The following DOCK8 variants were observed in gnomAD, a reference collection of about 807,000 sequenced individuals.
DOCK8 encodes dedicator of cytokinesis protein 8.
In DOCK8, 141 loss-of-function variants were observed where a neutral mutation model predicts 245.6. That is an observed-to-expected ratio of 0.57 (90% CI 0.50 to 0.66). DOCK8 has a LOEUF of 0.66. Ranked by LOEUF, DOCK8 falls within the 30% of genes least tolerant of loss-of-function variation. The pLI is 0.00. For synonymous variants in DOCK8, 1,168 were observed against 970.2 expected (o/e 1.20, Z -3.79); for missense variants, 2,965 against 2,603.4 (o/e 1.14, Z -3.02).
intron 46 of DOCK8, chr9:452,842 A>G (rs1309648022): frequency 6.6e-6 from 1 of 152,242 alleles, no homozygotes; most frequent in Non-Finnish European, 1.5e-5. Context: ...GTCAGTTAGG[A>G]ACTGGGTCTT....
intron 22 of DOCK8, 144 bp from the exon 23 acceptor site, chr9:386,187 T>C (rs2053942865): frequency 1.4e-6 from 1 of 691,944 alleles, no homozygotes; most frequent in Non-Finnish European, 2.6e-6. Context: ...CTTTGTTTTA[T>C]ATTTACTTAT....
rs2057932075 is a variant in DOCK8 at position 465,181 on chromosome 9, G to A, written c.*962G>A. The A allele has an allele frequency of 6.6e-6, 1 of 152,622 alleles. No homozygotes were observed. The highest frequency in any genetic ancestry group is 2.4e-5 in the African/African-American group (1 of 41,442). 9.5% of individuals were successfully genotyped at this position (152,622 alleles called of 1,614,324 possible). A position where few individuals can be genotyped will look rare whatever the true frequency, so the allele number is the denominator to read the frequency against. The stretch of plus-strand genomic sequence containing the variant: ...AAAGAGGAACAAAGACATTATTTGA[G>A]AATTAAATTATATATTTTTAATATG... On this transcript the variant is annotated 3_prime_UTR_variant, in exon 48 of 48. Transcript: ENST00000432829.
chr9:362,502 C>T (rs1480250905), intron 14 of DOCK8, among the ~76,000 whole-genome samples: 2 of 152,196 alleles, frequency 1.3e-5, no homozygotes, highest in Non-Finnish European at 2.9e-5. Flanking sequence ...TAAATCCCTC[C>T]CTGTAGGTCA....
rs1196879732 is a variant in DOCK8 at position 286,448 on chromosome 9, C to T, written c.157-13C>T. 19 of 1,613,226 alleles carry T rather than the reference C, an allele frequency of 1.2e-5. No individual in the cohort carries two copies. The Middle Eastern group carries it at 5.1e-4, about 44-fold the overall frequency. ...GGGTGAGAACCTCCTTTTCCTTTTC[C>T]CTGCCCCTCCAGCCTCAGTTTTATG... On this transcript the variant is annotated splice_polypyrimidine_tract_variant and intron_variant, in intron 2 of 47. Coordinates refer to ENST00000432829, the MANE Select transcript of DOCK8 (RefSeq NM_203447.4).
intron 4 of DOCK8, among the ~76,000 whole-genome samples, chr9:299,173 T>TA (rs2049411493): frequency 6.6e-6 from 1 of 151,840 alleles, no homozygotes; most frequent in African/African-American, 2.4e-5. Flanking sequence ...ATCACACAGA[T>TA]TTTTTTTTCT....
Position 339,225 on chromosome 9 carries a change from G to A in DOCK8, c.1516+126G>A, listed in dbSNP as rs2051458086. 5 of 844,974 alleles carry A rather than the reference G, an allele frequency of 5.9e-6. No individual in the cohort carries two copies. The South Asian group carries it at 7.2e-5, about 12-fold the overall frequency. The allele number at this position is 844,974 out of a possible 1,614,324, so 52.3% of individuals were successfully genotyped here. ...AAGTGAAATGTGAGATTTTGTGTTA[G>A]GGGTTAAGAATCTGAATTGTTCTAT... is the stretch of plus-strand genomic sequence containing the variant. On this transcript the variant is annotated intron_variant, in intron 13 of 47. Transcript: ENST00000432829.
At chr9:316,977 G>A (rs1026737030) in intron 6 of DOCK8, 66 bp from the exon 7 acceptor site, 2 of 1,314,690 alleles carry the variant, frequency 1.5e-6, no homozygotes, top group Non-Finnish European at 1.1e-6. Flanking sequence ...CCTTCCCTGG[G>A]TTAACTCTAA....
intron 1 of DOCK8, among the ~76,000 whole-genome samples, chr9:261,231 C>G (rs1207486629): frequency 6.6e-6 from 1 of 151,980 alleles, no homozygotes; most frequent in Non-Finnish European, 1.5e-5. Flanking sequence ...CTTACATGCT[C>G]AAAATAAAAA....
chr9:388,187 G>A (rs1563995934), intron 23 of DOCK8, among the ~76,000 whole-genome samples: 1 of 152,192 alleles, frequency 6.6e-6, no homozygotes, highest in Non-Finnish European at 1.5e-5. Context: ...AGATCAAGGT[G>A]TAGTCCAGTT....
Position 396,947 on chromosome 9 carries a change from T to C in DOCK8, c.3120+13T>C. 1 of 1,612,956 alleles carries C rather than the reference T, an allele frequency of 6.2e-7. No individual in the cohort carries two copies. The highest frequency in any genetic ancestry group is 1.3e-5 in the African/African-American group (1 of 75,036). On this transcript the variant is annotated intron_variant, in intron 25 of 47. Coordinates refer to ENST00000432829, the MANE Select transcript of DOCK8 (RefSeq NM_203447.4). The stretch of plus-strand genomic sequence containing the variant: ...AAAACCACAGAAGGTAACTGTATTT[T>C]ACTCTTTATTTTCTAAATTGTTTAC...
At position 446,500 on chromosome 9, in the gene DOCK8, G is replaced by T; in HGVS notation, c.5711G>T (p.Arg1904Leu). 6.2e-7 allele frequency: 1 copy of T among 1,614,194 alleles called. No individual in the cohort carries two copies. Among genetic ancestry groups the T allele is most frequent in the Non-Finnish European group, 8.5e-7 (1 of 1,180,030 alleles). ...MYTTPFTLEG[R>L]PRGELHEQYR... ...ACCACCCCGTTCACCCTGGAGGGGC[G>T]GCCTCGGGGAGAGCTGCATGAGCAG... is the stretch of plus-strand genomic sequence containing the variant. Residue 1904 changes from arginine to leucine, a missense_variant, in exon 44 of 48, where the codon CGG becomes CTG. Physicochemically the swap from Arg to Leu is moderately radical, Grantham distance 102 (BLOSUM62 -2). This residue lies in a region of DOCK8 where 2,825 missense variants were observed against 2,453.5 expected (regional missense o/e 1.15). Transcript: ENST00000432829.
At chr9:316,954 G>A (rs929189041) in intron 6 of DOCK8, 89 bp from the exon 7 acceptor site, 36 of 1,016,462 alleles carry the variant, frequency 3.5e-5, no homozygotes, top group South Asian at 3.1e-4. Flanking sequence ...TTGAGCCGTG[G>A]AGGGTAGCCT....
chr9:244,867 G>C (rs1231949100), intron 1 of DOCK8, among the ~76,000 whole-genome samples: 3 of 152,154 alleles, frequency 2.0e-5, no homozygotes, highest in African/African-American at 4.8e-5. Context: ...AGATGGGCCA[G>C]TGTGTTTTGA....
chr9:339,168 C>A, intron 13 of DOCK8, 69 bp downstream of exon 13: 1 of 1,286,192 alleles, frequency 7.8e-7, no homozygotes, highest in South Asian at 1.2e-5. Context: ...CAGTCTTTGT[C>A]TAATGCCAGA....
intron 1 of DOCK8, among the ~76,000 whole-genome samples, chr9:238,501 T>C (rs532892194): frequency 6.6e-6 from 1 of 152,306 alleles, no homozygotes; most frequent in Non-Finnish European, 1.5e-5. Context: ...GGAGAAATGT[T>C]AAAACAACAG....
chr9:386,449 G>A (rs1035129758), intron 23 of DOCK8, 23 bp downstream of exon 23: 4 of 1,598,718 alleles, frequency 2.5e-6, no homozygotes, highest in Admixed American at 3.3e-5. Context: ...GCAATGTGAG[G>A]TTCATCCCAG....
intron 45 of DOCK8, 30 bp from the exon 46 acceptor site, chr9:451,973 ATATATTTT>A (rs1408311968): frequency 5.4e-5 from 20 of 369,944 alleles, no homozygotes; most frequent in Admixed American, 2.0e-4. Flanking sequence ...ATATATATAT[ATATATTTT>A]TTTTTTTTTT....
At position 214,923 on chromosome 9, in the gene DOCK8, G is replaced by GC. The variant is rs770246521; in HGVS notation, c.-49dup. On this transcript the variant is annotated 5_prime_UTR_variant, in exon 1 of 48. An upstream open reading frame in the 5' UTR loses its in-frame stop. Transcript: ENST00000432829. ...CCGCGGCTACTCTGCGGCGCGCCAG[G>GC]CCCCCGCTTTCCGCACCCCGCGACC... 1.2e-6 allele frequency: 2 copies of GC among 1,604,040 alleles called. No individual in the cohort carries two copies.
rs375665207 is a variant in DOCK8 at position 382,647 on chromosome 9, G to A, written c.2740G>A (p.Ala914Thr). 6.4e-5 allele frequency: 104 copies of A among 1,614,042 alleles called. No individual in the cohort carries two copies. Among genetic ancestry groups the A allele is most frequent in the African/African-American group, 3.5e-4 (26 of 74,920 alleles). Residue 914 changes from alanine (A) to threonine (T), a missense_variant, in exon 22 of 48, where the codon GCA becomes ACA. This residue lies in a region of DOCK8 where 2,825 missense variants were observed against 2,453.5 expected (regional missense o/e 1.15). Transcript: ENST00000432829. ...SNPDLAGTHSAADEEVKNIMS... is the reference protein window; with the variant it reads ...SNPDLAGTHSTADEEVKNIMS... Reference sequence around the variant, plus strand: ...CCCAGACCTCGCGGGGACACACTCCGCAGCAGACGAGGAAGTGAAGAACAT... The same window carrying A: ...CCCAGACCTCGCGGGGACACACTCCACAGCAGACGAGGAAGTGAAGAACAT...
Sources: allele counts gnomAD v4.1 joint callset (sites outside exome capture counted in the v4.1 genomes callset), GRCh38; gene constraint gnomAD v4.1.1; regional missense constraint gnomAD v4.1.1; transcripts MANE v1.5; gene names NCBI Gene and HGNC (gene_info 2026-07-23, HGNC 2026-07-21).